Variants in NIPAL3 observed in about 807,000 individuals in gnomAD.
The protein encoded by NIPAL3 is NIPA like domain containing 3, also known as NIPA-like protein 3.
Under a neutral mutation model 47.2 loss-of-function variants are expected in NIPAL3, and 41 were observed. That is an observed-to-expected ratio of 0.87 (90% CI 0.68 to 1.13). The LOEUF (loss-of-function observed/expected upper bound fraction) is 1.13. Ranked by LOEUF, NIPAL3 falls within the 50% of genes most tolerant of loss-of-function variation. The pLI, the probability that NIPAL3 is intolerant of heterozygous loss-of-function variation, is 0.00. For synonymous variants in NIPAL3, 194 were observed against 209.6 expected, an observed-to-expected ratio of 0.93 and a Z score of 0.64; for missense variants, 449 against 530.1, an observed-to-expected ratio of 0.85 and a Z score of 1.50.
At chr1:24,456,747 A>G (rs1646233086) in intron 8 of NIPAL3, among the ~76,000 whole-genome samples, 1 of 152,046 alleles carries the variant, frequency 6.6e-6, no homozygotes, top group Non-Finnish European at 1.5e-5. Context: ...AGAATGTGAT[A>G]ATTTTTGTTT....
chr1:24,471,424 T>A lies in NIPAL3; in HGVS notation c.*2239T>A, dbSNP rs1646897357. 1 of 152,506 alleles carries A rather than the reference T, an allele frequency of 6.6e-6. No individual in the cohort carries two copies. The highest frequency in any genetic ancestry group is 2.4e-5 in the African/African-American group (1 of 41,308). The allele number at this position is 152,506 out of a possible 1,614,324, so 9.4% of individuals were successfully genotyped here. On this transcript the variant is annotated 3_prime_UTR_variant, in exon 12 of 12. Coordinates refer to ENST00000374399, the MANE Select transcript of NIPAL3 (RefSeq NM_020448.5). ...CCTCATCTCTGCTAAAAATTAAAAA[T>A]AAATAAATTAGCTGGGTGTGGTGGT... is the stretch of plus-strand genomic sequence containing the variant.
intron 6 of NIPAL3, among the ~76,000 whole-genome samples, chr1:24,450,674 T>C (rs2148827351): frequency 6.6e-6 from 1 of 152,112 alleles, no homozygotes; most frequent in African/African-American, 2.4e-5. Context: ...CTCTGAGAGG[T>C]TAGCTGACCT....
chr1:24,452,796 C>T (rs947941154), intron 6 of NIPAL3, among the ~76,000 whole-genome samples: 2 of 151,864 alleles, frequency 1.3e-5, no homozygotes, highest in African/African-American at 4.8e-5. Context: ...CAGCAATTCT[C>T]CTGCCTCAGC....
intron 7 of NIPAL3, among the ~76,000 whole-genome samples, 175 bp downstream of exon 7, chr1:24,453,679 A>T (rs1646051416): frequency 6.6e-6 from 1 of 152,100 alleles, no homozygotes; most frequent in South Asian, 2.1e-4. Flanking sequence ...ACCGGAGGCA[A>T]ACTCCTGTGC....
In NIPAL3 at chr1:24,451,905, C is replaced by T. The variant is rs958012405; in HGVS notation, c.541-1503C>T. ...AACTAAAAACAGCCCAGTACAAAAT[C>T]GTGCATTGACTATAATGACAACTCG... On this transcript the variant is annotated intron_variant, in intron 6 of 11. Transcript: ENST00000374399. The surrounding 1 kb of genome is among the most constrained non-coding windows in gnomAD (Gnocchi z 4.5). Among the ~76,000 whole-genome samples, 5 of 152,138 alleles carry T rather than the reference C, an allele frequency of 3.3e-5. No homozygotes were observed. Among genetic ancestry groups the T allele is most frequent in the African/African-American group, 7.2e-5 (3 of 41,410 alleles).
At chr1:24,438,386 G>A (rs1387254388) in intron 2 of NIPAL3, among the ~76,000 whole-genome samples, 1 of 152,208 alleles carries the variant, frequency 6.6e-6, no homozygotes, top group Non-Finnish European at 1.5e-5. Context: ...CTGTGGCAGC[G>A]CTGAGCCTTG....
In NIPAL3 at chr1:24,449,021, C is replaced by T. The variant is rs922874136; in HGVS notation, c.395-460C>T. On this transcript the variant is annotated intron_variant, in intron 5 of 11. Coordinates refer to ENST00000374399, the MANE Select transcript of NIPAL3 (RefSeq NM_020448.5). The surrounding 1 kb of genome is among the most constrained non-coding windows in gnomAD (Gnocchi z 4.5). ...CCACAACGCAGACGAATCTCAGAAA[C>T]ATCATGCTGAGTCAAAAGAGATCAC... Among the ~76,000 whole-genome samples the T allele has an allele frequency of 4.6e-5, 7 of 152,214 alleles. No homozygotes were observed. Among genetic ancestry groups the T allele is most frequent in the African/African-American group, 1.7e-4 (7 of 41,460 alleles).
chr1:24,426,831 G>A (rs755673284), intron 2 of NIPAL3, among the ~76,000 whole-genome samples: 1 of 152,070 alleles, frequency 6.6e-6, no homozygotes, highest in African/African-American at 2.4e-5. Context: ...AACCTGATTG[G>A]GTGTTGCCTC....
In NIPAL3 at chr1:24,449,410, T is replaced by C. The variant is rs1163818743; in HGVS notation, c.395-71T>C. 1 of 1,500,768 alleles carries C rather than the reference T, an allele frequency of 6.7e-7. No individual in the cohort carries two copies. The highest frequency in any genetic ancestry group is 9.0e-7 in the Non-Finnish European group (1 of 1,107,362). The allele number at this position is 1,500,768 out of a possible 1,614,324, so 93.0% of individuals were successfully genotyped here. A position where few individuals can be genotyped will look rare whatever the true frequency, so the allele number is the denominator to read the frequency against. On this transcript the variant is annotated intron_variant, in intron 5 of 11. Coordinates refer to ENST00000374399, the MANE Select transcript of NIPAL3 (RefSeq NM_020448.5). The surrounding 1 kb of genome is among the most constrained non-coding windows in gnomAD (Gnocchi z 4.5). ...GTTGCAGGAGAAGCCTGTTTTTTCA[T>C]GGCTGAGAACGTGTACTGTATCTTG...
Position 24,445,230 on chromosome 1 carries a change from C to T in NIPAL3, c.380C>T (p.Pro127Leu), listed in dbSNP as rs775690499. 9.3e-6 allele frequency: 15 copies of T among 1,609,192 alleles called. No individual in the cohort carries two copies. The highest frequency in any genetic ancestry group is 1.6e-4 in the Middle Eastern group (1 of 6,064). Residue 127 changes from proline to leucine, a missense_variant, in exon 5 of 12, where the codon CCG becomes CTG. By Grantham distance (98) the Pro-to-Leu change is moderately conservative. Coordinates refer to ENST00000374399, the MANE Select transcript of NIPAL3 (RefSeq NM_020448.5). ...ATATTCATCAAGGAAAAGTGGAAAC[C>T]GAAAGACTTTCTGAGTAAGTTCAGT... is the stretch of plus-strand genomic sequence containing the variant. ...GIIFIKEKWK[P>L]KDFLRRYVLS...
At chr1:24,460,039 C>G (rs1374588114) in intron 9 of NIPAL3, among the ~76,000 whole-genome samples, 1 of 152,176 alleles carries the variant, frequency 6.6e-6, no homozygotes, top group Non-Finnish European at 1.5e-5. Context: ...ACAGCATAAG[C>G]ACAAAGCCTT....
rs1646786731 is a variant in NIPAL3, at chr1:24,468,357, C to T, written c.1022-629C>T. Among the ~76,000 whole-genome samples the T allele has an allele frequency of 2.0e-5, 3 of 152,122 alleles. No homozygotes were observed. In the South Asian group the frequency reaches 6.2e-4, roughly 31 times the overall value. The stretch of plus-strand genomic sequence containing the variant: ...ATAAATAAACAAACAAACTGCGTCC[C>T]TCCTGACCTGACTAGGGGAATTGTA... On this transcript the variant is annotated intron_variant, in intron 11 of 11. Coordinates refer to ENST00000374399, the MANE Select transcript of NIPAL3 (RefSeq NM_020448.5).
At chr1:24,428,288 GA>G (rs1557491547) in intron 2 of NIPAL3, among the ~76,000 whole-genome samples, 13 of 151,484 alleles carry the variant, frequency 8.6e-5, no homozygotes, top group African/African-American at 2.9e-4. Flanking sequence ...GAGAGAGAGA[GA>G]GAGAGAGAGA....
rs775835021 is a variant in NIPAL3, at chr1:24,442,083, C to T, written c.191C>T (p.Ser64Phe). The T allele has an allele frequency of 1.9e-6, 3 of 1,614,100 alleles. No individual in the cohort carries two copies. Among genetic ancestry groups the T allele is most frequent in the Admixed American group, 1.7e-5 (1 of 60,010 alleles). ...TACTGCCACATCCGCCTGGCAGGCTCCAAGGATCCCCGGGCCTATTTCAAG... is the reference window on the plus strand; with the variant it reads ...TACTGCCACATCCGCCTGGCAGGCTTCAAGGATCCCCGGGCCTATTTCAAG... Reference protein sequence around the residue: ...QKYCHIRLAGSKDPRAYFKTK... With the variant: ...QKYCHIRLAGFKDPRAYFKTK... Residue 64 changes from serine to phenylalanine, a missense_variant, in exon 4 of 12, where the codon TCC (serine) becomes TTC (phenylalanine). By Grantham distance (155) the Ser-to-Phe change is radical (BLOSUM62 -2). Coordinates refer to ENST00000374399, the MANE Select transcript of NIPAL3 (RefSeq NM_020448.5).
chr1:24,416,263 GC>G lies in NIPAL3; in HGVS notation c.-258+362del. 3.0e-6 allele frequency: 3 copies of G among 985,466 alleles called. No homozygotes were observed. The highest frequency in any genetic ancestry group is 3.6e-6 in the Non-Finnish European group (3 of 829,978). The allele number at this position is 985,466 out of a possible 1,614,324, so 61.0% of individuals were successfully genotyped here. ...ATGAGGGGAGGCGTTCTTGGTCTAA[GC>G]CCGCTTCTGGAACAGAGGTGCTGTC... is the stretch of plus-strand genomic sequence containing the variant. On this transcript the variant is annotated intron_variant, in intron 1 of 11. Transcript: ENST00000374399. The surrounding 1 kb of genome is among the most constrained non-coding windows in gnomAD (Gnocchi z 4.8).
Position 24,456,101 on chromosome 1 carries a change from C to T in NIPAL3, c.638-37C>T, listed in dbSNP as rs967375274. ...TCCGGACCTAACTCTCTGCATTTCC[C>T]TGAGGCTCCCCATTCGCCCTTGTCT... On this transcript the variant is annotated intron_variant, in intron 7 of 11. Transcript: ENST00000374399. 15 of 1,612,924 alleles carry T rather than the reference C, an allele frequency of 9.3e-6. No individual in the cohort carries two copies. The Admixed American group carries it at 1.5e-4, about 16-fold the overall frequency.
At chr1:24,442,340 A>C (rs1183091635) in intron 4 of NIPAL3, 114 bp downstream of exon 4, 3 of 1,158,618 alleles carry the variant, frequency 2.6e-6, no homozygotes, top group Non-Finnish European at 3.7e-6. Flanking sequence ...TTGGATAATA[A>C]TAGCCTAATA....
At chr1:24,456,357 C>A in intron 8 of NIPAL3, 84 bp downstream of exon 8, 1 of 1,572,160 alleles carries the variant, frequency 6.4e-7, no homozygotes, top group Non-Finnish European at 8.7e-7. Context: ...GCTGTGAAGC[C>A]ACAAGGAGGC....
At chr1:24,428,133 A>T (rs1644686231) in intron 2 of NIPAL3, among the ~76,000 whole-genome samples, 1 of 152,120 alleles carries the variant, frequency 6.6e-6, no homozygotes, top group African/African-American at 2.4e-5. Context: ...CCAGCTACTC[A>T]GGAGGCTGAG....
Sources: gnomAD v4.1 joint callset for allele counts (sites outside exome capture counted in the v4.1 genomes callset) on GRCh38, gnomAD v4.1.1 for gene constraint, Gnocchi (gnomAD v3.1) non-coding constraint, MANE v1.5 for transcripts, NCBI Gene and HGNC (gene_info 2026-07-23, HGNC 2026-07-21) for gene names.